The following SLC25A42 variants were observed in gnomAD, a reference collection of about 807,000 sequenced individuals.
SLC25A42 encodes the protein mitochondrial coenzyme A transporter SLC25A42.
Under a neutral mutation model 34.7 loss-of-function variants are expected in SLC25A42, and 19 were observed. That is an observed-to-expected ratio of 0.55 (90% CI 0.38 to 0.80). The LOEUF is 0.80. Among genes scored for constraint, SLC25A42 ranks in the 30% least tolerant of loss-of-function variants. The pLI is 0.00. For missense variants in SLC25A42, 364 were observed against 441.3 expected (o/e 0.82, Z 1.57); for synonymous variants, 205 against 191.2 (o/e 1.07, Z -0.59).
At position 19,071,147 on chromosome 19, in the gene SLC25A42, T is replaced by C. The variant is rs376545959; in HGVS notation, c.-35+7032T>C. Reference sequence around the variant, plus strand: ...TCAGCCTCCCAAGTAGCTGGGACTATAGGCATGCACCACCAAGCCCGGCTA... The same window carrying C: ...TCAGCCTCCCAAGTAGCTGGGACTACAGGCATGCACCACCAAGCCCGGCTA... On this transcript the variant is annotated intron_variant, in intron 1 of 7. Coordinates refer to ENST00000318596, the MANE Select transcript of SLC25A42 (RefSeq NM_178526.5). Among the ~76,000 whole-genome samples, 14 of 151,956 alleles carry C rather than the reference T, an allele frequency of 9.2e-5. No individual in the cohort carries two copies. The East Asian group carries it at 2.1e-3, about 23-fold the overall frequency.
intron 2 of SLC25A42, among the ~76,000 whole-genome samples, chr19:19,097,688 G>A (rs1180091888): frequency 6.6e-6 from 1 of 152,208 alleles, no homozygotes; most frequent in African/African-American, 2.4e-5. Context: ...CCTTGGCTGG[G>A]ATGGTGGCTC....
chr19:19,080,416 C>G (rs1040143828), intron 1 of SLC25A42, among the ~76,000 whole-genome samples: 11 of 152,088 alleles, frequency 7.2e-5, no homozygotes, highest in African/African-American at 2.2e-4. Flanking sequence ...GGGAGGGGCT[C>G]TCACCCAGAA....
At chr19:19,106,146 C>G in intron 5 of SLC25A42, 123 bp from the exon 6 acceptor site, 1 of 793,746 alleles carries the variant, frequency 1.3e-6, no homozygotes, top group Non-Finnish European at 2.0e-6. Context: ...AAACCCGCCT[C>G]GTGTTCCTCG....
chr19:19,106,227 C>G, intron 5 of SLC25A42, 42 bp from the exon 6 acceptor site: 1 of 1,548,450 alleles, frequency 6.5e-7, no homozygotes, highest in African/African-American at 1.4e-5. Flanking sequence ...GCATCTGCAA[C>G]CCCCTCACTG....
At chr19:19,064,629 C>T (rs1729645313) in intron 1 of SLC25A42, among the ~76,000 whole-genome samples, 1 of 151,568 alleles carries the variant, frequency 6.6e-6, no homozygotes, top group Admixed American at 6.6e-5. Context: ...CTCTCGTGCC[C>T]ACTCCCCCAG....
At chr19:19,085,538 G>A (rs1316347178) in intron 1 of SLC25A42, among the ~76,000 whole-genome samples, 1 of 152,080 alleles carries the variant, frequency 6.6e-6, no homozygotes, top group East Asian at 1.9e-4. Flanking sequence ...CTCACCACAT[G>A]CCCAGCTAAT....
chr19:19,066,609 C>T (rs530776754), intron 1 of SLC25A42, among the ~76,000 whole-genome samples: 25 of 152,098 alleles, frequency 1.6e-4, no homozygotes, highest in African/African-American at 5.5e-4. Flanking sequence ...CCACTACACC[C>T]GGCTAATTTT....
intron 2 of SLC25A42, among the ~76,000 whole-genome samples, chr19:19,097,858 G>A (rs757181576): frequency 1.3e-5 from 2 of 152,052 alleles, no homozygotes; most frequent in Admixed American, 6.5e-5. Flanking sequence ...AGCTCCGCAT[G>A]AGGTTGAAGT....
At chr19:19,101,739 G>GC (rs747741233) in intron 2 of SLC25A42, 42 bp from the exon 3 acceptor site, 1 of 1,557,614 alleles carries the variant, frequency 6.4e-7, no homozygotes, top group Non-Finnish European at 8.8e-7. Context: ...CTGCGGAGCC[G>GC]CCCCCCTGCC....
At chr19:19,101,061 A>G (rs751885604) in intron 2 of SLC25A42, among the ~76,000 whole-genome samples, 2 of 152,042 alleles carry the variant, frequency 1.3e-5, no homozygotes, top group Non-Finnish European at 2.9e-5. Flanking sequence ...GGAAACTCCA[A>G]CCTGATGGGC....
intron 1 of SLC25A42, among the ~76,000 whole-genome samples, chr19:19,089,265 C>T (rs933038496): frequency 7.9e-5 from 12 of 152,120 alleles, no homozygotes; most frequent in Non-Finnish European, 1.5e-4. Flanking sequence ...CGGGGCCTCA[C>T]GCCTATAATC....
chr19:19,101,365 C>T (rs2059795285), intron 2 of SLC25A42, among the ~76,000 whole-genome samples: 1 of 152,146 alleles, frequency 6.6e-6, no homozygotes. Flanking sequence ...GTCTGCTTGC[C>T]TGATACCCAC....
chr19:19,091,277 T>C (rs1403634899), intron 1 of SLC25A42, among the ~76,000 whole-genome samples: 2 of 151,824 alleles, frequency 1.3e-5, no homozygotes, highest in African/African-American at 4.8e-5. Context: ...GCCAACATGG[T>C]GAAACCCTGT....
rs1195444644 is a variant in SLC25A42, at chr19:19,081,444, C to T, written c.-34-14647C>T. On this transcript the variant is annotated intron_variant, in intron 1 of 7. Coordinates refer to ENST00000318596, the MANE Select transcript of SLC25A42 (RefSeq NM_178526.5). The surrounding 1 kb of genome is among the most constrained non-coding windows in gnomAD (Gnocchi z 4.5). ...CATGTTTCATGTTTTGTCCTCATAG[C>T]GTCCCTGGCAGTGTCATGGGACACT... Among the ~76,000 whole-genome samples, 1 of 152,318 alleles carries T rather than the reference C, an allele frequency of 6.6e-6. No individual in the cohort carries two copies. Among genetic ancestry groups the T allele is most frequent in the Non-Finnish European group, 1.5e-5 (1 of 68,030 alleles).
At chr19:19,102,676 G>A (rs1272839525) in intron 3 of SLC25A42, among the ~76,000 whole-genome samples, 1 of 152,004 alleles carries the variant, frequency 6.6e-6, no homozygotes, top group Non-Finnish European at 1.5e-5. Context: ...CCTGGGAGGC[G>A]GAGGTTGCAG....
chr19:19,067,585 T>C (rs2059609133), intron 1 of SLC25A42, among the ~76,000 whole-genome samples: 1 of 152,046 alleles, frequency 6.6e-6, no homozygotes, highest in Non-Finnish European at 1.5e-5. Context: ...CCTGTTTTTC[T>C]GTTAAAAAAA....
At chr19:19,091,225 C>T (rs766631991) in intron 1 of SLC25A42, among the ~76,000 whole-genome samples, 4 of 151,880 alleles carry the variant, frequency 2.6e-5, no homozygotes, top group African/African-American at 9.7e-5. Context: ...AGGAGGCCAA[C>T]GAGGGCAGAT....
intron 1 of SLC25A42, among the ~76,000 whole-genome samples, chr19:19,088,473 T>C (rs368115419): frequency 6.6e-6 from 1 of 151,976 alleles, no homozygotes; most frequent in Non-Finnish European, 1.5e-5. Context: ...CCCAAAGTGC[T>C]GGGATTACAG....
chr19:19,068,993 C>T (rs1435882895), intron 1 of SLC25A42, among the ~76,000 whole-genome samples: 1 of 150,380 alleles, frequency 6.6e-6, no homozygotes, highest in Non-Finnish European at 1.5e-5. Flanking sequence ...TGCCACTGCA[C>T]TCCAGCCTGG....
Sources: gnomAD v4.1 joint callset for allele counts (sites outside exome capture counted in the v4.1 genomes callset) on GRCh38, gnomAD v4.1.1 for gene constraint, Gnocchi (gnomAD v3.1) non-coding constraint, MANE v1.5 for transcripts, NCBI Gene and HGNC (gene_info 2026-07-23, HGNC 2026-07-21) for gene names.